Variants in ROR2 observed in about 807,000 individuals in gnomAD.
ROR2 encodes ROR family WNT receptor 2.
A neutral mutation model predicts 74.9 loss-of-function variants in ROR2; 33 were observed. The ratio of observed to expected loss-of-function variants is 0.44; its 90% CI spans 0.33 to 0.59. The LOEUF (loss-of-function observed/expected upper bound fraction) is 0.59, where lower values mean the gene tolerates loss of function less well. Among genes scored for constraint, ROR2 ranks in the 20% least tolerant of loss-of-function variants. ROR2 has a pLI of 0.02. For missense variants in ROR2, 1,216 were observed against 1,313.8 expected (o/e 0.93, Z 1.15); for synonymous variants, 586 against 558.7 (o/e 1.05, Z -0.69).
chr9:91,733,293 A>G lies in ROR2; in HGVS notation c.766T>C (p.Cys256Arg). ...PKPRELCRDE[C>R]EVLESDLCRQ... ...CACAGGTCGCTCTCCAGCACCTCGC[A>G]CTCGTCGCGGCACAGCTCACGCGGC... Residue 256 changes from cysteine (C) to arginine (R), a missense_variant, in exon 6 of 9, where the codon TGC (cysteine) becomes CGC (arginine). Transcript: ENST00000375708. The surrounding 1 kb of genome is among the most constrained non-coding windows in gnomAD (Gnocchi z 5.7). The G allele has an allele frequency of 6.2e-7, 1 of 1,612,816 alleles. No individual in the cohort carries two copies. The highest frequency in any genetic ancestry group is 8.5e-7 in the Non-Finnish European group (1 of 1,179,738).
intron 1 of ROR2, among the ~76,000 whole-genome samples, chr9:91,940,458 G>C (rs1021443454): frequency 1.3e-5 from 2 of 152,014 alleles, no homozygotes; most frequent in African/African-American, 4.8e-5. Flanking sequence ...AGAAAACTTG[G>C]GGCAATCCAG....
chr9:91,847,927 C>A (rs1828978358), intron 1 of ROR2, among the ~76,000 whole-genome samples: 2 of 152,178 alleles, frequency 1.3e-5, no homozygotes, highest in African/African-American at 4.8e-5. Context: ...TCCTGGCTAG[C>A]AGCTCTGCCT....
At chr9:91,822,191 A>G (rs1433854118) in intron 1 of ROR2, among the ~76,000 whole-genome samples, 1 of 152,192 alleles carries the variant, frequency 6.6e-6, no homozygotes, top group Non-Finnish European at 1.5e-5. Flanking sequence ...TTTTTAAAAC[A>G]TGTTTTCTCC....
intron 4 of ROR2, among the ~76,000 whole-genome samples, chr9:91,744,288 C>A (rs1024232807): frequency 7.9e-6 from 1 of 127,302 alleles, no homozygotes; most frequent in Admixed American, 1.0e-4. Flanking sequence ...TGCAGTATCA[C>A]GATCTTGGCT....
intron 1 of ROR2, among the ~76,000 whole-genome samples, chr9:91,847,595 G>C (rs958489064): frequency 1.3e-5 from 2 of 151,978 alleles, no homozygotes; most frequent in African/African-American, 2.4e-5. Context: ...AGTAAGCCCA[G>C]GCAGGCGGGA....
At chr9:91,935,349 A>C (rs1831655294) in intron 1 of ROR2, among the ~76,000 whole-genome samples, 1 of 152,188 alleles carries the variant, frequency 6.6e-6, no homozygotes, top group Admixed American at 6.5e-5. Context: ...CCACTGCTTC[A>C]GGGCCTACCC....
intron 4 of ROR2, 137 bp downstream of exon 4, chr9:91,755,934 G>T: frequency 1.2e-6 from 1 of 855,452 alleles, no homozygotes. Context: ...CAAGCACGTG[G>T]CCACCCCTGT....
chr9:91,726,617 G>A lies in ROR2; in HGVS notation c.1310C>T (p.Ser437Phe). Reference sequence around the variant, plus strand: ...CATCAGCTGTCGCCGCTGCGGTGTGGACGCAGATGCCTTCTGCTTATTCCG... The same window carrying A: ...CATCAGCTGTCGCCGCTGCGGTGTGAACGCAGATGCCTTCTGCTTATTCCG... ...MCRNKQKASA[S>F]TPQRRQLMAS... Residue 437 changes from serine (S) to phenylalanine (F), a missense_variant, in exon 8 of 9, where the codon TCC (serine) becomes TTC (phenylalanine). Coordinates refer to ENST00000375708, the MANE Select transcript of ROR2 (RefSeq NM_004560.4). 1 of 1,613,978 alleles carries A rather than the reference G, an allele frequency of 6.2e-7. No individual in the cohort carries two copies.
Position 91,723,885 on chromosome 9 carries a change from C to T in ROR2, c.2609G>A (p.Ser870Asn). The change falls in exon 9 of 9, where the codon AGC (serine) becomes AAC (asparagine). Residue 870 changes from serine (S) to asparagine (N), a missense_variant. Transcript: ENST00000375708. ...SSHHSGSGST[S>N]TGYVTTAPSN... is the part of the protein sequence containing the mutation. ...GGGGGCCGTGGTGACGTAGCCTGTG[C>T]TGGTGGAGCCACTGCCACTGTGGTG... 5 of 1,613,990 alleles carry T rather than the reference C, an allele frequency of 3.1e-6. No individual in the cohort carries two copies. The highest frequency in any genetic ancestry group is 3.4e-6 in the Non-Finnish European group (4 of 1,180,030).
chr9:91,761,125 G>A (rs970086895), intron 2 of ROR2, among the ~76,000 whole-genome samples: 16 of 152,056 alleles, frequency 1.1e-4, no homozygotes, highest in Non-Finnish European at 1.5e-4. Flanking sequence ...CATGTGACAC[G>A]GGCTGCCTTC....
At chr9:91,823,106 C>G (rs1319308894) in intron 1 of ROR2, among the ~76,000 whole-genome samples, 1 of 152,220 alleles carries the variant, frequency 6.6e-6, no homozygotes, top group East Asian at 1.9e-4. Context: ...CAAGCAGATC[C>G]AGGTTTGCAG....
intron 1 of ROR2, among the ~76,000 whole-genome samples, chr9:91,929,596 T>G (rs779116562): frequency 3.3e-5 from 5 of 152,172 alleles, no homozygotes; most frequent in Non-Finnish European, 7.3e-5. Flanking sequence ...ACGGGCATTC[T>G]TTTCAATTCA....
intron 7 of ROR2, among the ~76,000 whole-genome samples, chr9:91,728,699 G>A (rs1184707547): frequency 6.6e-6 from 1 of 152,226 alleles, no homozygotes; most frequent in African/African-American, 2.4e-5. Flanking sequence ...CCAAAGTGCT[G>A]GGATTACAGG....
chr9:91,793,036 A>C (rs1475328076), intron 1 of ROR2, among the ~76,000 whole-genome samples: 1 of 152,230 alleles, frequency 6.6e-6, no homozygotes, highest in African/African-American at 2.4e-5. Context: ...TCCTAGAAGA[A>C]GAGGGGATAC....
chr9:91,737,439 A>G lies in ROR2; in HGVS notation c.574T>C (p.Tyr192His). The G allele has an allele frequency of 6.2e-7, 1 of 1,614,152 alleles. No homozygotes were observed. ...CARFIGNRTIYVDSLQMQGEI... is the reference protein window; with the variant it reads ...CARFIGNRTIHVDSLQMQGEI... The stretch of plus-strand genomic sequence containing the variant: ...CCCTGCATCTGAAGCGAGTCCACAT[A>G]AATGGTCCGGTTGCCAATGAAGCGT... The change falls in exon 5 of 9, where the codon TAT becomes CAT. Residue 192 changes from tyrosine (Y) to histidine (H), a missense_variant. Coordinates refer to ENST00000375708, the MANE Select transcript of ROR2 (RefSeq NM_004560.4).
intron 2 of ROR2, among the ~76,000 whole-genome samples, chr9:91,758,802 G>T (rs1825832815): frequency 6.6e-6 from 1 of 152,240 alleles, no homozygotes. Context: ...TGTGGTGTTT[G>T]TGTGGTGCAC....
chr9:91,918,252 G>A lies in ROR2; in HGVS notation c.97+31615C>T, dbSNP rs1182926120. Among the ~76,000 whole-genome samples the A allele has an allele frequency of 1.0e-4, 7 of 68,062 alleles. No individual in the cohort carries two copies. In the African/African-American group the frequency reaches 1.7e-3, roughly 17 times the overall value. 44.7% of individuals were successfully genotyped at this position (68,062 alleles called of 152,430 possible). On this transcript the variant is annotated intron_variant, in intron 1 of 8. Coordinates refer to ENST00000375708, the MANE Select transcript of ROR2 (RefSeq NM_004560.4). ...CACCGCACTCCAGCCTGGGCGACAGGAGACTCGTCTCAAAAAAAAAAAAAA... is the reference window on the plus strand; with the variant it reads ...CACCGCACTCCAGCCTGGGCGACAGAAGACTCGTCTCAAAAAAAAAAAAAA...
At chr9:91,914,361 C>T (rs75508548) in intron 1 of ROR2, among the ~76,000 whole-genome samples, 11,690 of 152,170 alleles carry the variant, frequency 0.077, 660 homozygotes, top group Non-Finnish European at 0.11. Context: ...CAAGAGATAC[C>T]CTGTACTACA....
intron 2 of ROR2, among the ~76,000 whole-genome samples, chr9:91,763,101 T>A (rs1191307881): frequency 2.6e-5 from 4 of 152,140 alleles, no homozygotes; most frequent in Non-Finnish European, 5.9e-5. Context: ...ATGTTCTCAC[T>A]TATAAGTGGG....
Sources: gnomAD v4.1 joint callset for allele counts (sites outside exome capture counted in the v4.1 genomes callset) on GRCh38, gnomAD v4.1.1 for gene constraint, Gnocchi (gnomAD v3.1) non-coding constraint, MANE v1.5 for transcripts, NCBI Gene and HGNC (gene_info 2026-07-23, HGNC 2026-07-21) for gene names.